The following APBB2 variants were observed in gnomAD, a reference collection of about 807,000 sequenced individuals.
APBB2 encodes amyloid beta precursor protein binding family B member 2.
A neutral mutation model predicts 82.5 loss-of-function variants in APBB2; 38 were observed. The ratio of observed to expected loss-of-function variants is 0.46; its 90% CI spans 0.36 to 0.60. The LOEUF (loss-of-function observed/expected upper bound fraction) is 0.60, where lower values mean the gene tolerates loss of function less well. APBB2 is among the 20% of genes least tolerant of loss of function. The probability of loss-of-function intolerance (pLI) is 0.00; values close to 1 mark genes in which losing one functional copy is unlikely to be tolerated. For missense variants in APBB2, 772 were observed against 972.3 expected, an observed-to-expected ratio of 0.79 and a Z score of 2.74; for synonymous variants, 341 against 368.2, an observed-to-expected ratio of 0.93 and a Z score of 0.85.
chr4:41,033,315 G>C lies in APBB2; in HGVS notation c.-50-11C>G. On this transcript the variant is annotated splice_polypyrimidine_tract_variant and intron_variant, in intron 4 of 17. Coordinates refer to ENST00000508593, the MANE Select transcript of APBB2 (RefSeq NM_004307.2). Reference sequence around the variant, plus strand: ...GTTATAATTTGAAATCTAAAAAGAAGGGATCATTTGAGAAATTAAAACTCC... The same window carrying C: ...GTTATAATTTGAAATCTAAAAAGAACGGATCATTTGAGAAATTAAAACTCC... 1.3e-6 allele frequency: 2 copies of C among 1,515,694 alleles called. No homozygotes were observed. Among genetic ancestry groups the C allele is most frequent in the Non-Finnish European group, 1.8e-6 (2 of 1,117,914 alleles). 93.9% of individuals were successfully genotyped at this position (1,515,694 alleles called of 1,614,324 possible).
chr4:41,010,711 T>C (rs1373306438), intron 6 of APBB2, among the ~76,000 whole-genome samples: 2 of 152,212 alleles, frequency 1.3e-5, no homozygotes, highest in Non-Finnish European at 2.9e-5. Context: ...TATAGTGGAA[T>C]AGTATACATA....
chr4:41,074,207 G>A (rs1384946612), intron 3 of APBB2, among the ~76,000 whole-genome samples: 3 of 152,176 alleles, frequency 2.0e-5, no homozygotes, highest in African/African-American at 7.2e-5. Context: ...TTTGCTTCCA[G>A]TAAAATTTCC....
intron 10 of APBB2, among the ~76,000 whole-genome samples, chr4:40,908,391 G>A (rs1423522671): frequency 6.6e-6 from 1 of 152,192 alleles, no homozygotes; most frequent in Non-Finnish European, 1.5e-5. Flanking sequence ...GGCAGAGCTG[G>A]CAGTGAAGCC....
intron 6 of APBB2, among the ~76,000 whole-genome samples, chr4:40,951,476 G>A (rs775931684): frequency 2.0e-5 from 3 of 152,266 alleles, no homozygotes; most frequent in Non-Finnish European, 4.4e-5. Flanking sequence ...GAAACCAGAG[G>A]AGAGTCTGCG....
intron 6 of APBB2, among the ~76,000 whole-genome samples, chr4:40,961,667 T>TAAAAAAAAAAAA (rs60942744): frequency 1.5e-5 from 1 of 68,248 alleles, no homozygotes; most frequent in Non-Finnish European, 2.5e-5. Context: ...AAAAAAGATG[T>TAAAAAAAAAAAA]AAAAAAAAAA....
intron 4 of APBB2, among the ~76,000 whole-genome samples, chr4:41,061,330 T>C (rs1243553529): frequency 6.6e-6 from 1 of 152,242 alleles, no homozygotes; most frequent in Non-Finnish European, 1.5e-5. Flanking sequence ...TTCATTGCTG[T>C]GCAAACATCA....
rs2154352798 is a variant in APBB2 at position 40,893,290 on chromosome 4, C to T, written c.1376G>A (p.Arg459Gln). The T allele has an allele frequency of 2.5e-6, 4 of 1,613,750 alleles. No individual in the cohort carries two copies. The highest frequency in any genetic ancestry group is 2.2e-5 in the South Asian group (2 of 90,930). The change falls in exon 11 of 18, where the codon CGA becomes CAA. Residue 459 changes from arginine to glutamine, a missense_variant. Transcript: ENST00000508593. ...CTCTCCCCAAATCCCGACTGTGTCT[C>T]GGATGTCATTTTTGCAGTAGGAAAG... is the stretch of plus-strand genomic sequence containing the variant. Reference protein sequence around the residue: ...RQLSYCKNDIRDTVGIWGEGK... With the variant: ...RQLSYCKNDIQDTVGIWGEGK...
chr4:40,896,528 A>T (rs1187319744), intron 10 of APBB2, among the ~76,000 whole-genome samples: 2 of 152,252 alleles, frequency 1.3e-5, no homozygotes, highest in African/African-American at 4.8e-5. Flanking sequence ...GAGGGTTTTC[A>T]TGAGGAGAAA....
intron 15 of APBB2, 87 bp from the exon 16 acceptor site, chr4:40,823,846 C>A: frequency 1.3e-6 from 1 of 780,098 alleles, no homozygotes; most frequent in Non-Finnish European, 2.2e-6. Flanking sequence ...ACAGCTACGC[C>A]CAGACTGATC....
chr4:41,040,190 G>C (rs1720813010), intron 4 of APBB2, among the ~76,000 whole-genome samples: 1 of 152,072 alleles, frequency 6.6e-6, no homozygotes, highest in Non-Finnish European at 1.5e-5. Flanking sequence ...GCAGATGCTT[G>C]CTCTCGAAAA....
At position 41,119,522 on chromosome 4, in the gene APBB2, TAAAAAA is replaced by T. The variant is rs35952366; in HGVS notation, c.-260-18778_-260-18773del. ...CCAGAAAGGCTCTAGGAAGTTCCATTAAAAAAAAAAAAAAAAAAAAGTTGGCAATTT... is the reference window on the plus strand; with the variant it reads ...CCAGAAAGGCTCTAGGAAGTTCCATTAAAAAAAAAAAAAAGTTGGCAATTT... On this transcript the variant is annotated intron_variant, in intron 2 of 17. Transcript: ENST00000508593. Among the ~76,000 whole-genome samples, 7 of 118,058 alleles carry T rather than the reference TAAAAAA, an allele frequency of 5.9e-5. No individual in the cohort carries two copies. In the Admixed American group the frequency reaches 6.2e-4, roughly 11 times the overall value. 77.5% of individuals were successfully genotyped at this position (118,058 alleles called of 152,430 possible). A position where few individuals can be genotyped will look rare whatever the true frequency, so the allele number is the denominator to read the frequency against.
At chr4:41,169,571 T>G (rs145568122) in intron 1 of APBB2, among the ~76,000 whole-genome samples, 40 of 152,280 alleles carry the variant, frequency 2.6e-4, no homozygotes, top group Middle Eastern at 3.4e-3. Flanking sequence ...TCCTAAATGG[T>G]TGTCAAAGCT....
intron 1 of APBB2, among the ~76,000 whole-genome samples, chr4:41,201,198 C>T (rs7655737): frequency 0.2 from 29,668 of 151,860 alleles, 3,881 homozygotes; most frequent in African/African-American, 0.37. Flanking sequence ...AGGGTTACCA[C>T]GCTGATCAAA....
intron 7 of APBB2, among the ~76,000 whole-genome samples, chr4:40,939,106 T>C (rs565164498): frequency 6.6e-6 from 1 of 152,302 alleles, no homozygotes; most frequent in East Asian, 1.9e-4. Flanking sequence ...AGATGCAGTC[T>C]CTCGGCCTTG....
At chr4:40,994,059 G>A (rs1802915867) in intron 6 of APBB2, among the ~76,000 whole-genome samples, 1 of 152,174 alleles carries the variant, frequency 6.6e-6, no homozygotes, top group Non-Finnish European at 1.5e-5. Flanking sequence ...GGAGGCCAAG[G>A]CAGGCAGATC....
chr4:41,185,976 TACTA>T (rs1370304362), intron 1 of APBB2, among the ~76,000 whole-genome samples: 1 of 152,168 alleles, frequency 6.6e-6, no homozygotes, highest in Non-Finnish European at 1.5e-5. Context: ...ACACTAGAGC[TACTA>T]TACTGGTCTG....
intron 4 of APBB2, among the ~76,000 whole-genome samples, chr4:41,049,488 CG>C (rs952588979): frequency 1.4e-5 from 2 of 147,342 alleles, no homozygotes; most frequent in South Asian, 4.3e-4. Flanking sequence ...CCCGGCCAGC[CG>C]CCCCGTCCGG....
chr4:40,857,144 C>T (rs932454142), intron 12 of APBB2: 8 of 985,470 alleles, frequency 8.1e-6, no homozygotes, highest in Non-Finnish European at 9.6e-6. Flanking sequence ...CGCACTGCCC[C>T]GGGCTCAAGT....
chr4:41,070,272 G>A (rs1302585255), intron 3 of APBB2, among the ~76,000 whole-genome samples: 1 of 152,092 alleles, frequency 6.6e-6, no homozygotes, highest in Non-Finnish European at 1.5e-5. Flanking sequence ...AAGAAGCCCT[G>A]AGGTATCATG....
Sources: allele counts gnomAD v4.1 joint callset (sites outside exome capture counted in the v4.1 genomes callset), GRCh38; gene constraint gnomAD v4.1.1; transcripts MANE v1.5; gene names NCBI Gene and HGNC (gene_info 2026-07-23, HGNC 2026-07-21).